PTPRN2: variants seen among roughly 807,000 people sequenced by gnomAD.
The protein encoded by PTPRN2 is receptor-type tyrosine-protein phosphatase N2.
In PTPRN2, 74 loss-of-function variants were observed where a neutral mutation model predicts 118.8. The ratio of observed to expected loss-of-function variants is 0.62; its 90% confidence interval spans 0.52 to 0.76. The LOEUF is 0.76. Among genes scored for constraint, PTPRN2 ranks in the 30% least tolerant of loss-of-function variants. The pLI is 0.00. For missense variants in PTPRN2, 1,481 were observed against 1,394.4 expected (o/e 1.06, Z -0.99); for synonymous variants, 641 against 608.0 (o/e 1.05, Z -0.80).
Position 158,573,080 on chromosome 7 carries a change from A to C in PTPRN2, c.112+14478T>G, listed in dbSNP as rs187519576. Reference sequence around the variant, plus strand: ...GCATGATGCATGATGAATGGACAAGAGTCTTCTGAGGCACACAGTAATGTA... The same window carrying C: ...GCATGATGCATGATGAATGGACAAGCGTCTTCTGAGGCACACAGTAATGTA... On this transcript the variant is annotated intron_variant, in intron 1 of 22. Coordinates refer to ENST00000389418, the MANE Select transcript of PTPRN2 (RefSeq NM_002847.5). Among the ~76,000 whole-genome samples the C allele has an allele frequency of 3.9e-5, 6 of 152,356 alleles. No individual in the cohort carries two copies. In the East Asian group the frequency reaches 1.2e-3, roughly 29 times the overall value.
intron 1 of PTPRN2, among the ~76,000 whole-genome samples, chr7:158,536,352 G>T (rs1825643176): frequency 6.6e-6 from 1 of 152,214 alleles, no homozygotes; most frequent in Admixed American, 6.5e-5. Flanking sequence ...TTAAGTAAGT[G>T]CTGCCCTGCC....
At chr7:158,038,934 A>G (rs925906092) in intron 11 of PTPRN2, among the ~76,000 whole-genome samples, 2 of 152,264 alleles carry the variant, frequency 1.3e-5, no homozygotes, top group South Asian at 4.1e-4. Flanking sequence ...GAGCTATAGA[A>G]AGCTGCTCCA....
intron 12 of PTPRN2, among the ~76,000 whole-genome samples, chr7:157,752,254 G>C (rs1167602447): frequency 6.6e-6 from 1 of 152,212 alleles, no homozygotes; most frequent in Admixed American, 6.5e-5. Flanking sequence ...GGATGTAGCG[G>C]GGAACGTCGT....
chr7:158,082,651 G>A (rs4909055), intron 10 of PTPRN2, among the ~76,000 whole-genome samples: 70,327 of 152,100 alleles, frequency 0.46, 19,358 homozygotes, highest in Middle Eastern at 0.66. Flanking sequence ...TAACCTTACG[G>A]ATATTCCCTT....
At chr7:158,241,512 T>G (rs1158661001) in intron 3 of PTPRN2, among the ~76,000 whole-genome samples, 3 of 151,870 alleles carry the variant, frequency 2.0e-5, no homozygotes, top group African/African-American at 7.3e-5. Context: ...AGACTCTATC[T>G]CAAAAAAAGA....
chr7:158,335,954 A>G (rs369683773), intron 2 of PTPRN2, among the ~76,000 whole-genome samples: 1 of 6,244 alleles, frequency 1.6e-4, no homozygotes, highest in Admixed American at 9.0e-4. Flanking sequence ...ACCTGCAGAC[A>G]TCACTCACAC....
intron 12 of PTPRN2, among the ~76,000 whole-genome samples, chr7:157,685,786 C>A (rs1291359733): frequency 6.6e-6 from 1 of 152,190 alleles, no homozygotes. Context: ...CCTGGCTCTC[C>A]TCCCGGGTCC....
chr7:158,193,415 G>A (rs1307544489), intron 4 of PTPRN2, among the ~76,000 whole-genome samples: 2 of 152,210 alleles, frequency 1.3e-5, no homozygotes, highest in African/African-American at 4.8e-5. Flanking sequence ...GAAAGGAAGA[G>A]CAGAACCAGG....
In PTPRN2 at chr7:158,573,494, T is replaced by A. The variant is rs905714201; in HGVS notation, c.112+14064A>T. On this transcript the variant is annotated intron_variant, in intron 1 of 22. Transcript: ENST00000389418. The stretch of plus-strand genomic sequence containing the variant: ...TCTGGAGGAGTGACCACTTCTCCTT[T>A]CTGACTGCCAGTGCTCACCACAGCT... Among the ~76,000 whole-genome samples the A allele has an allele frequency of 2.6e-5, 4 of 152,284 alleles. No homozygotes were observed. The East Asian group carries it at 7.7e-4, about 29-fold the overall frequency.
chr7:157,663,925 A>G (rs1796014673), intron 13 of PTPRN2, among the ~76,000 whole-genome samples: 1 of 152,268 alleles, frequency 6.6e-6, no homozygotes, highest in South Asian at 2.1e-4. Context: ...TACTTGACTT[A>G]GTAATGGTTT....
intron 1 of PTPRN2, among the ~76,000 whole-genome samples, chr7:158,500,051 A>G (rs1326646675): frequency 6.8e-6 from 1 of 148,064 alleles, no homozygotes; most frequent in Non-Finnish European, 1.5e-5. Flanking sequence ...AAAAAAAAAA[A>G]GGTTTATTTT....
Position 157,587,239 on chromosome 7 carries a change from C to T in PTPRN2, c.2496+7999G>A, listed in dbSNP as rs1039977595. Among the ~76,000 whole-genome samples the T allele has an allele frequency of 6.7e-6, 1 of 150,102 alleles. No individual in the cohort carries two copies. The highest frequency in any genetic ancestry group is 1.5e-5 in the Non-Finnish European group (1 of 67,864). ...CAAGACACACAGGCAGACAGGCAGACAGCGAGACAGGCAGACAGACAGGCA... is the reference window on the plus strand; with the variant it reads ...CAAGACACACAGGCAGACAGGCAGATAGCGAGACAGGCAGACAGACAGGCA... On this transcript the variant is annotated intron_variant, in intron 17 of 22. Coordinates refer to ENST00000389418, the MANE Select transcript of PTPRN2 (RefSeq NM_002847.5). The surrounding 1 kb of genome is among the most constrained non-coding windows in gnomAD (Gnocchi z 5.3).
chr7:157,883,676 C>T (rs6947856), intron 12 of PTPRN2, among the ~76,000 whole-genome samples: 19,577 of 149,706 alleles, frequency 0.13, 1,044 homozygotes, highest in Admixed American at 0.23. Context: ...AACACAACAC[C>T]CCAAAAATGA....
At chr7:157,793,645 G>A (rs1351589761) in intron 12 of PTPRN2, among the ~76,000 whole-genome samples, 2 of 152,160 alleles carry the variant, frequency 1.3e-5, no homozygotes, top group Non-Finnish European at 2.9e-5. Flanking sequence ...TGCCACACGT[G>A]GAAAACACGT....
intron 3 of PTPRN2, among the ~76,000 whole-genome samples, chr7:158,266,413 TATTGTCTGGCA>T (rs1797883302): frequency 2.0e-5 from 3 of 149,348 alleles, no homozygotes; most frequent in Admixed American, 6.7e-5. Flanking sequence ...TGCTGCGGGG[TATTGTCTGGCA>T]GTGAGGCTGG....
At chr7:158,085,629 G>A (rs565547512) in intron 10 of PTPRN2, among the ~76,000 whole-genome samples, 1 of 98,996 alleles carries the variant, frequency 1.0e-5, no homozygotes, top group South Asian at 3.9e-4. Context: ...CCACACCCTC[G>A]ACGCCCATCC....
intron 11 of PTPRN2, among the ~76,000 whole-genome samples, chr7:158,048,699 CCACCAT>C (rs565824051): frequency 0.019 from 332 of 17,744 alleles, no homozygotes; most frequent in African/African-American, 0.038. Context: ...CACATCACAA[CCACCAT>C]CACCATCACC....
rs994852652 is a variant in PTPRN2 at position 157,587,401 on chromosome 7, C to A, written c.2496+7837G>T. 1.3e-5 allele frequency among the ~76,000 whole-genome samples: 2 copies of A among 152,220 alleles called. No individual in the cohort carries two copies. Among genetic ancestry groups the A allele is most frequent in the African/African-American group, 4.8e-5 (2 of 41,462 alleles). ...TGGCTGGCAGGCAGTTGGAAGGAAA[C>A]ACCGTTAAATTCTTTGGGTCTTCCA... On this transcript the variant is annotated intron_variant, in intron 17 of 22. Transcript: ENST00000389418. The surrounding 1 kb of genome is among the most constrained non-coding windows in gnomAD (Gnocchi z 5.3).
intron 14 of PTPRN2, among the ~76,000 whole-genome samples, chr7:157,653,663 T>C (rs536426313): frequency 9.2e-5 from 14 of 152,114 alleles, no homozygotes; most frequent in Middle Eastern, 3.2e-3. Context: ...AGACCCCGCA[T>C]GGCTGAGAGG....
Sources: gnomAD v4.1 joint callset for allele counts (sites outside exome capture counted in the v4.1 genomes callset) on GRCh38, gnomAD v4.1.1 for gene constraint, Gnocchi (gnomAD v3.1) non-coding constraint, MANE v1.5 for transcripts, NCBI Gene and HGNC (gene_info 2026-07-23, HGNC 2026-07-21) for gene names.